Variants in CCM2 observed in about 807,000 individuals in gnomAD.
CCM2 encodes the protein cerebral cavernous malformations 2 protein.
Under a neutral mutation model 44.9 loss-of-function variants are expected in CCM2, and 25 were observed. The ratio of observed to expected loss-of-function variants is 0.56; its 90% CI spans 0.41 to 0.78. The LOEUF (loss-of-function observed/expected upper bound fraction) is 0.78, where lower values mean the gene tolerates loss of function less well. Ranked by LOEUF, CCM2 falls within the 30% of genes least tolerant of loss-of-function variation. The pLI is 0.00. For synonymous variants in CCM2, 219 were observed against 241.1 expected, an observed-to-expected ratio of 0.91 and a Z score of 0.85; for missense variants, 481 against 580.6, an observed-to-expected ratio of 0.83 and a Z score of 1.76.
At chr7:45,009,933 A>G (rs2128713532) in intron 1 of CCM2, among the ~76,000 whole-genome samples, 1 of 150,444 alleles carries the variant, frequency 6.6e-6, no homozygotes, top group African/African-American at 2.5e-5. Flanking sequence ...TTTTTTAAAC[A>G]GGGTCTCACT....
At chr7:45,070,434 G>A (rs776664276) in intron 6 of CCM2, 12 of 456,330 alleles carry the variant, frequency 2.6e-5, no homozygotes, top group South Asian at 1.7e-4. Context: ...GCCCTGGGAG[G>A]CCAGCTGGCA....
At chr7:45,013,430 G>A (rs149027419) in intron 1 of CCM2, among the ~76,000 whole-genome samples, 101 of 151,562 alleles carry the variant, frequency 6.7e-4, no homozygotes, top group African/African-American at 2.2e-3. Flanking sequence ...GCCCTCATAC[G>A]CCTTCCACCC....
At chr7:45,000,455 G>GGGC (rs1554353525) in intron 1 of CCM2, 92 bp downstream of exon 1, 2 of 212,752 alleles carry the variant, frequency 9.4e-6, no homozygotes, top group Non-Finnish European at 1.4e-5. Flanking sequence ...CTTGGGGCCC[G>GGGC]GGGGGGGGGG....
At chr7:45,001,140 CCTAA>C (rs759578978) in intron 1 of CCM2, among the ~76,000 whole-genome samples, 41 of 152,226 alleles carry the variant, frequency 2.7e-4, no homozygotes, top group Admixed American at 4.6e-4. Flanking sequence ...CTCGATAATT[CCTAA>C]CTATGATTTT....
chr7:45,056,603 T>A (rs1299964069), intron 2 of CCM2, among the ~76,000 whole-genome samples: 4 of 152,186 alleles, frequency 2.6e-5, no homozygotes, highest in Admixed American at 6.5e-5. Context: ...TTTCTCATGC[T>A]TGGCTTATTG....
chr7:45,008,230 G>C (rs1795923474), intron 1 of CCM2, among the ~76,000 whole-genome samples: 1 of 151,908 alleles, frequency 6.6e-6, no homozygotes. Flanking sequence ...GGTAGAGATG[G>C]GGTTTCCCCA....
chr7:45,042,460 A>G (rs1423610470), intron 2 of CCM2, among the ~76,000 whole-genome samples: 1 of 152,218 alleles, frequency 6.6e-6, no homozygotes. Context: ...CAAACAAGAT[A>G]AATCCACTAC....
At chr7:45,061,463 T>C (rs1457774337) in intron 2 of CCM2, among the ~76,000 whole-genome samples, 1 of 148,730 alleles carries the variant, frequency 6.7e-6, no homozygotes, top group African/African-American at 2.5e-5. Flanking sequence ...TTTCTTTTTT[T>C]TTTTTTTTTT....
At chr7:45,068,797 C>T (rs1240506729) in intron 5 of CCM2, among the ~76,000 whole-genome samples, 3 of 152,192 alleles carry the variant, frequency 2.0e-5, no homozygotes, top group African/African-American at 7.2e-5. Context: ...CTGGCCCTGC[C>T]CACAGCTCCT....
intron 1 of CCM2, among the ~76,000 whole-genome samples, chr7:45,014,855 C>T (rs1049558716): frequency 9.9e-5 from 15 of 152,074 alleles, no homozygotes; most frequent in African/African-American, 3.4e-4. Context: ...CTCCTGACAT[C>T]GGCTGATCGG....
chr7:45,052,136 G>T (rs935078413), intron 2 of CCM2, among the ~76,000 whole-genome samples: 15 of 152,236 alleles, frequency 9.9e-5, no homozygotes, highest in Non-Finnish European at 2.2e-4. Context: ...TGGAGAGTAG[G>T]TTGGCAGCTG....
chr7:45,054,796 G>A (rs572953610), intron 2 of CCM2, among the ~76,000 whole-genome samples: 2 of 152,356 alleles, frequency 1.3e-5, no homozygotes, highest in African/African-American at 4.8e-5. Flanking sequence ...AGTGGGTGTG[G>A]GCTGGGCATG....
At chr7:45,067,000 A>C (rs1350663901) in intron 4 of CCM2, among the ~76,000 whole-genome samples, 2 of 151,036 alleles carry the variant, frequency 1.3e-5, no homozygotes, top group Admixed American at 1.3e-4. Context: ...TCCCAGGTTC[A>C]CGCCATTCTC....
At chr7:45,031,338 C>T (rs1796957777) in intron 1 of CCM2, among the ~76,000 whole-genome samples, 1 of 145,722 alleles carries the variant, frequency 6.9e-6, no homozygotes, top group African/African-American at 2.5e-5. Context: ...GCCGAGATCA[C>T]ACCACTGTAC....
At chr7:45,032,085 T>C (rs1796995739) in intron 1 of CCM2, among the ~76,000 whole-genome samples, 1 of 152,088 alleles carries the variant, frequency 6.6e-6, no homozygotes. Context: ...CCGTGCTGAA[T>C]GGGTAGGAGT....
intron 4 of CCM2, among the ~76,000 whole-genome samples, chr7:45,066,035 A>C (rs1187265799): frequency 6.6e-6 from 1 of 152,182 alleles, no homozygotes; most frequent in Non-Finnish European, 1.5e-5. Flanking sequence ...CTTCTGCTGC[A>C]TGACAGTTTC....
At chr7:45,046,569 T>C (rs999867434) in intron 2 of CCM2, among the ~76,000 whole-genome samples, 2 of 152,236 alleles carry the variant, frequency 1.3e-5, no homozygotes, top group African/African-American at 4.8e-5. Context: ...AACCTTGCCC[T>C]GAATTTCACA....
In CCM2 at chr7:45,027,801, G is replaced by A. The variant is rs777515756; in HGVS notation, c.31-10452G>A. On this transcript the variant is annotated intron_variant, in intron 1 of 9. Transcript: ENST00000258781. ...AGGGTATTCCATGGAGAATGAGGTA[G>A]GTGCAAGTCCAGTGTGGAAAGCGCC... 12 of 1,613,992 alleles carry A rather than the reference G, an allele frequency of 7.4e-6. No homozygotes were observed. In the Admixed American group the frequency reaches 1.5e-4, roughly 20 times the overall value.
chr7:45,074,074 T>G (rs1799221864), intron 8 of CCM2, 196 bp from the exon 9 acceptor site: 1 of 1,221,040 alleles, frequency 8.2e-7, no homozygotes, highest in African/African-American at 1.5e-5. Context: ...GGTGCCTTGG[T>G]CTCCTCTGGG....
Sources: gnomAD v4.1 joint callset for allele counts (sites outside exome capture counted in the v4.1 genomes callset) on GRCh38, gnomAD v4.1.1 for gene constraint, MANE v1.5 for transcripts, NCBI Gene and HGNC (gene_info 2026-07-23, HGNC 2026-07-21) for gene names.